The following CELF2 variants were observed in gnomAD, a reference collection of about 807,000 sequenced individuals.
CELF2 encodes the protein CUGBP Elav-like family member 2, also known as CUG triplet repeat RNA-binding protein 2.
CELF2 carries 8 observed loss-of-function variants against 62.6 expected under a neutral mutation model. The observed-to-expected ratio is 0.13, with a 90% CI of 0.07 to 0.23. The LOEUF (loss-of-function observed/expected upper bound fraction) is 0.23, where lower values mean the gene tolerates loss of function less well. Among genes scored for constraint, CELF2 ranks in the 10% least tolerant of loss-of-function variants. The pLI is 1.00. For missense variants in CELF2, 333 were observed against 671.0 expected, an observed-to-expected ratio of 0.50 and a Z score of 5.56; for synonymous variants, 258 against 250.0, an observed-to-expected ratio of 1.03 and a Z score of -0.30.
intron 1 of CELF2, among the ~76,000 whole-genome samples, chr10:11,027,684 A>G (rs2059447128): frequency 1.3e-5 from 2 of 152,194 alleles, no homozygotes; most frequent in African/African-American, 4.8e-5. Context: ...ACATGGCTTC[A>G]GGGCCTCTCC....
intron 1 of CELF2, among the ~76,000 whole-genome samples, chr10:11,119,864 T>TCTCCCCCCCCCC (rs1399108400): frequency 3.9e-4 from 44 of 112,162 alleles, no homozygotes; most frequent in African/African-American, 5.0e-4. Context: ...TGATTCCGCC[T>TCTCCCCCCCCCC]CCCCCCCCCC....
chr10:11,079,744 C>CCT (rs1344592517), intron 1 of CELF2, among the ~76,000 whole-genome samples: 1 of 126,750 alleles, frequency 7.9e-6, no homozygotes, highest in African/African-American at 3.0e-5. Flanking sequence ...TAATACAGCC[C>CCT]CCCCCCCCTT....
At chr10:10,616,289 G>C in the CELF2 span, among the ~76,000 whole-genome samples, 1 of 147,924 alleles carries the variant, frequency 6.8e-6, no homozygotes, top group Non-Finnish European at 1.5e-5. Context: ...CAAAGGTTTT[G>C]TTTGGGGTGT....
At chr10:10,475,323 G>C in the CELF2 span, among the ~76,000 whole-genome samples, 1 of 151,840 alleles carries the variant, frequency 6.6e-6, no homozygotes, top group Non-Finnish European at 1.5e-5. Context: ...TACATCCCAT[G>C]TCCCCTGAAA....
chr10:10,900,615 A>G (rs979357908), intron 1 of CELF2, among the ~76,000 whole-genome samples: 1 of 152,178 alleles, frequency 6.6e-6, no homozygotes, highest in African/African-American at 2.4e-5. Context: ...ATAGCATTTA[A>G]TAAGGAAAGA....
At chr10:11,123,564 A>G (rs1750733) in intron 1 of CELF2, among the ~76,000 whole-genome samples, 25,171 of 152,038 alleles carry the variant, frequency 0.17, 3,285 homozygotes, top group East Asian at 0.64. Context: ...CAAGGTTTTG[A>G]TAGGTGGTGA....
At chr10:10,490,372 G>A in the CELF2 span, among the ~76,000 whole-genome samples, 6 of 152,194 alleles carry the variant, frequency 3.9e-5, no homozygotes, top group Middle Eastern at 6.8e-3. Context: ...GTGATTCTGT[G>A]GAAAATGCCT....
At chr10:10,825,296 G>A (rs567892445) in intron 1 of CELF2, among the ~76,000 whole-genome samples, 1 of 152,066 alleles carries the variant, frequency 6.6e-6, no homozygotes, top group Non-Finnish European at 1.5e-5. Flanking sequence ...TGCAAGCTCC[G>A]CCTCCCAGGT....
At chr10:10,810,602 G>A (rs1338403239) in intron 1 of CELF2, among the ~76,000 whole-genome samples, 10 of 152,096 alleles carry the variant, frequency 6.6e-5, no homozygotes, top group Admixed American at 3.3e-4. Context: ...AGCCAGGGGC[G>A]GCTCTAAGGG....
At chr10:10,543,557 G>A in the CELF2 span, among the ~76,000 whole-genome samples, 2 of 152,300 alleles carry the variant, frequency 1.3e-5, no homozygotes, top group Non-Finnish European at 2.9e-5. Flanking sequence ...GATAAAAGCA[G>A]TAGAATAGGC....
rs1160209753 is a variant in CELF2, at chr10:11,280,214, G to A, written c.841+5094G>A. Among the ~76,000 whole-genome samples, 5 of 152,272 alleles carry A rather than the reference G, an allele frequency of 3.3e-5. No homozygotes were observed. The highest frequency in any genetic ancestry group is 9.6e-5 in the African/African-American group (4 of 41,562). ...GAGGGGAACCAGAAAGAGGACTTCC[G>A]GATGAGCGGAAGTGAAGCCCGCTGT... On this transcript the variant is annotated intron_variant, in intron 8 of 12. Coordinates refer to ENST00000633077, the MANE Select transcript of CELF2 (RefSeq NM_001326342.2). This position sits in a 1 kb window ranked among gnomAD's most constrained non-coding sequence, Gnocchi z 7.6.
At chr10:10,830,125 A>G (rs1427925009) in intron 1 of CELF2, among the ~76,000 whole-genome samples, 1 of 152,174 alleles carries the variant, frequency 6.6e-6, no homozygotes, top group Admixed American at 6.5e-5. Flanking sequence ...TTTCTGTTGA[A>G]AAGTTGTATA....
At chr10:10,851,679 A>T (rs1032866374) in intron 1 of CELF2, among the ~76,000 whole-genome samples, 1 of 152,200 alleles carries the variant, frequency 6.6e-6, no homozygotes, top group Admixed American at 6.5e-5. Context: ...ACTGGGAGAA[A>T]ATAGGTCTAA....
chr10:10,728,656 T>A, the CELF2 span, among the ~76,000 whole-genome samples: 1 of 152,126 alleles, frequency 6.6e-6, no homozygotes, highest in South Asian at 2.1e-4. Context: ...GTAAAGCATT[T>A]CTTCTGTGTC....
In CELF2 at chr10:11,269,661, A is replaced by G. The variant is rs553119287; in HGVS notation, c.619-1005A>G. 6.7e-6 allele frequency among the ~76,000 whole-genome samples: 1 copy of G among 150,240 alleles called. No homozygotes were observed. Among genetic ancestry groups the G allele is most frequent in the South Asian group, 2.3e-4 (1 of 4,388 alleles). ...GGCAAGCCACACAAAGGAGGAGAAG[A>G]GGCTGGGGAAGGAGGGGGAGACTTC... On this transcript the variant is annotated intron_variant, in intron 6 of 12. Transcript: ENST00000633077. The surrounding 1 kb of genome is among the most constrained non-coding windows in gnomAD (Gnocchi z 4.4).
At chr10:11,133,089 G>C (rs2059860602) in intron 1 of CELF2, among the ~76,000 whole-genome samples, 1 of 152,168 alleles carries the variant, frequency 6.6e-6, no homozygotes, top group Non-Finnish European at 1.5e-5. Flanking sequence ...TGTAGTACAT[G>C]TGTCCTCTAC....
chr10:10,629,348 A>T, the CELF2 span, among the ~76,000 whole-genome samples: 2 of 152,038 alleles, frequency 1.3e-5, no homozygotes, highest in Non-Finnish European at 2.9e-5. Context: ...TCAAGTTAAG[A>T]TTTTTTTCCC....
chr10:10,590,564 C>A, the CELF2 span, among the ~76,000 whole-genome samples: 1 of 152,150 alleles, frequency 6.6e-6, no homozygotes, highest in African/African-American at 2.4e-5. Context: ...ACTTTCCTGC[C>A]CTTTACTACC....
chr10:10,866,184 T>C (rs1270440431), intron 1 of CELF2, among the ~76,000 whole-genome samples: 1 of 152,186 alleles, frequency 6.6e-6, no homozygotes, highest in African/African-American at 2.4e-5. Flanking sequence ...GGTACTCCTT[T>C]CTTCCATTCC....
Sources: gnomAD v4.1 joint callset for allele counts (sites outside exome capture counted in the v4.1 genomes callset) on GRCh38, gnomAD v4.1.1 for gene constraint, Gnocchi (gnomAD v3.1) non-coding constraint, MANE v1.5 for transcripts, NCBI Gene and HGNC (gene_info 2026-07-23, HGNC 2026-07-21) for gene names.